The following MCU variants were observed in gnomAD, a reference collection of about 807,000 sequenced individuals.
MCU encodes the protein calcium uniporter protein, mitochondrial.
In MCU, 12 loss-of-function variants were observed where a neutral mutation model predicts 45.2. That is an observed-to-expected ratio of 0.27 (90% CI 0.17 to 0.43). The LOEUF is 0.43. Ranked by LOEUF, MCU falls within the 20% of genes least tolerant of loss-of-function variation. MCU has a pLI of 1.00. For synonymous variants in MCU, 160 were observed against 165.1 expected (o/e 0.97, Z 0.24); for missense variants, 324 against 436.7 (o/e 0.74, Z 2.30).
At chr10:72,856,955 AAAG>A (rs1468990633) in intron 2 of MCU, among the ~76,000 whole-genome samples, 1 of 149,694 alleles carries the variant, frequency 6.7e-6, no homozygotes, top group African/African-American at 2.5e-5. Context: ...AAAAAAAAAA[AAAG>A]GTTTTAGACA....
chr10:72,821,582 A>T (rs1291556214), intron 1 of MCU, among the ~76,000 whole-genome samples: 1 of 152,040 alleles, frequency 6.6e-6, no homozygotes, highest in Non-Finnish European at 1.5e-5. Context: ...TTTCTGCTTG[A>T]CTTTTACTCC....
At chr10:72,794,289 T>C (rs1288837514) in intron 1 of MCU, among the ~76,000 whole-genome samples, 2 of 152,140 alleles carry the variant, frequency 1.3e-5, no homozygotes, top group African/African-American at 4.8e-5. Context: ...GGATCACCAC[T>C]ACAGACCCTC....
At chr10:72,836,912 A>C (rs990174422) in intron 2 of MCU, among the ~76,000 whole-genome samples, 1 of 152,204 alleles carries the variant, frequency 6.6e-6, no homozygotes, top group African/African-American at 2.4e-5. Flanking sequence ...AGTAACAGAA[A>C]TTTCTACCAT....
chr10:72,715,536 C>T (rs1371947606), intron 1 of MCU, among the ~76,000 whole-genome samples: 2 of 152,178 alleles, frequency 1.3e-5, no homozygotes, highest in Non-Finnish European at 2.9e-5. Flanking sequence ...TTACTCTGGT[C>T]TCCTGGAAAT....
chr10:72,774,140 C>G (rs1279302522), intron 1 of MCU, among the ~76,000 whole-genome samples: 5 of 152,150 alleles, frequency 3.3e-5, no homozygotes, highest in Non-Finnish European at 7.4e-5. Context: ...GTGCAGTACA[C>G]TTATAACTCT....
At chr10:72,874,620 T>C (rs1845592702) in intron 6 of MCU, among the ~76,000 whole-genome samples, 1 of 152,214 alleles carries the variant, frequency 6.6e-6, no homozygotes, top group Admixed American at 6.5e-5. Flanking sequence ...AGTAAACTGT[T>C]TTATGTCTTA....
intron 1 of MCU, among the ~76,000 whole-genome samples, chr10:72,714,579 C>T (rs935083263): frequency 6.6e-6 from 1 of 151,810 alleles, no homozygotes; most frequent in African/African-American, 2.4e-5. Context: ...AGTTTCCCTC[C>T]TGTTGCCCAG....
At chr10:72,715,807 T>C in intron 1 of MCU, 1 of 931,212 alleles carries the variant, frequency 1.1e-6, no homozygotes, top group Non-Finnish European at 1.3e-6. Context: ...ATCCCCTGTA[T>C]GTCATAACAA....
intron 1 of MCU, among the ~76,000 whole-genome samples, chr10:72,770,877 T>C (rs1843796431): frequency 6.6e-6 from 1 of 152,208 alleles, no homozygotes; most frequent in Admixed American, 6.5e-5. Context: ...TTTATAACTA[T>C]AATTGCCTTT....
At position 72,692,222 on chromosome 10, in the gene MCU, GCGGCTGCGGGGCGCTGACTGC is replaced by G; in HGVS notation, c.79_99del (p.Gly27_Cys33del). On this transcript the variant is annotated inframe_deletion, in exon 1 of 8. Coordinates refer to ENST00000373053, the MANE Select transcript of MCU (RefSeq NM_138357.3). ...CGGGGCGGCGGCGGCGGGGGCGCCGGCGGCTGCGGGGCGCTGACTGCCGGCTGCTTCCCTGGGCTGGGCGTC... is the reference window on the plus strand; with the variant it reads ...CGGGGCGGCGGCGGCGGGGGCGCCGGCGGCTGCTTCCCTGGGCTGGGCGTC... 1.6e-6 allele frequency: 2 copies of G among 1,245,684 alleles called. No individual in the cohort carries two copies. Among genetic ancestry groups the G allele is most frequent in the Non-Finnish European group, 2.0e-6 (2 of 989,180 alleles). 77.2% of individuals were successfully genotyped at this position (1,245,684 alleles called of 1,614,324 possible).
intron 1 of MCU, chr10:72,766,583 A>T (rs756712718): frequency 6.6e-6 from 1 of 152,178 alleles, no homozygotes; most frequent in Non-Finnish European, 1.5e-5. Context: ...TTCCTTTCTC[A>T]TCTGTACTTT....
At chr10:72,791,411 C>G (rs1589461683) in intron 1 of MCU, among the ~76,000 whole-genome samples, 2 of 152,130 alleles carry the variant, frequency 1.3e-5, no homozygotes, top group African/African-American at 4.8e-5. Context: ...TCACAACCTC[C>G]CTATCTATAC....
At chr10:72,767,220 G>A (rs529743277) in intron 1 of MCU, among the ~76,000 whole-genome samples, 2 of 151,960 alleles carry the variant, frequency 1.3e-5, no homozygotes, top group African/African-American at 4.8e-5. Context: ...AAGACTTCAG[G>A]AGTTTCCAAA....
intron 1 of MCU, among the ~76,000 whole-genome samples, chr10:72,794,007 A>G (rs970235754): frequency 1.3e-5 from 2 of 152,170 alleles, no homozygotes; most frequent in Admixed American, 6.6e-5. Flanking sequence ...CAATACCTCT[A>G]TCAGTGCTCC....
intron 1 of MCU, among the ~76,000 whole-genome samples, chr10:72,765,411 G>A (rs1304565464): frequency 6.6e-6 from 1 of 151,876 alleles, no homozygotes; most frequent in Non-Finnish European, 1.5e-5. Context: ...TTATTTCCTA[G>A]GTCATGTTTT....
intron 2 of MCU, among the ~76,000 whole-genome samples, 179 bp downstream of exon 2, chr10:72,834,607 G>T (rs1176655958): frequency 6.6e-6 from 1 of 152,204 alleles, no homozygotes; most frequent in Non-Finnish European, 1.5e-5. Context: ...AGTGAGTTTA[G>T]AGAAGAAACC....
At chr10:72,782,744 T>C (rs1233329303) in intron 1 of MCU, among the ~76,000 whole-genome samples, 1 of 152,244 alleles carries the variant, frequency 6.6e-6, no homozygotes, top group Non-Finnish European at 1.5e-5. Context: ...TTATTTAACT[T>C]TACAGGGATG....
intron 2 of MCU, among the ~76,000 whole-genome samples, chr10:72,843,268 G>A (rs966816531): frequency 6.6e-6 from 1 of 152,144 alleles, no homozygotes; most frequent in Non-Finnish European, 1.5e-5. Context: ...ACACAGAGGA[G>A]TTTCACCACC....
chr10:72,782,535 C>G (rs557054982), intron 1 of MCU, among the ~76,000 whole-genome samples: 1 of 152,216 alleles, frequency 6.6e-6, no homozygotes, highest in African/African-American at 2.4e-5. Flanking sequence ...CCATACCCAG[C>G]TAATTTTTGT....
Sources: gnomAD v4.1 joint callset for allele counts (sites outside exome capture counted in the v4.1 genomes callset) on GRCh38, gnomAD v4.1.1 for gene constraint, MANE v1.5 for transcripts, NCBI Gene and HGNC (gene_info 2026-07-23, HGNC 2026-07-21) for gene names.